Variants in SPAG16 observed in about 807,000 individuals in gnomAD.
SPAG16 encodes the protein sperm-associated antigen 16 protein.
A neutral mutation model predicts 80.4 loss-of-function variants in SPAG16; 86 were observed. The observed-to-expected ratio is 1.07, with a 90% CI of 0.90 to 1.28. SPAG16 has a LOEUF of 1.28. SPAG16 is among the 50% of genes most tolerant of loss of function. The probability of loss-of-function intolerance (pLI) is 0.00; values close to 1 mark genes in which losing one functional copy is unlikely to be tolerated. For synonymous variants in SPAG16, 294 were observed against 265.9 expected (o/e 1.11, Z -1.03); for missense variants, 870 against 765.3 (o/e 1.14, Z -1.61).
intron 12 of SPAG16, among the ~76,000 whole-genome samples, chr2:213,962,360 T>G (rs1183153821): frequency 6.6e-6 from 1 of 152,018 alleles, no homozygotes; most frequent in African/African-American, 2.4e-5. Context: ...GCCCGGCTAA[T>G]TTTTTCGCAT....
At chr2:213,461,752 A>G (rs2072376312) in intron 9 of SPAG16, among the ~76,000 whole-genome samples, 1 of 152,202 alleles carries the variant, frequency 6.6e-6, no homozygotes, top group Non-Finnish European at 1.5e-5. Context: ...TCCAGGTAGA[A>G]TTAGATGAAG....
At chr2:213,392,048 G>A (rs1575464056) in intron 9 of SPAG16, among the ~76,000 whole-genome samples, 2 of 152,290 alleles carry the variant, frequency 1.3e-5, no homozygotes, top group African/African-American at 2.4e-5. Flanking sequence ...AAAATGGAAT[G>A]TTATTTAATA....
chr2:213,573,192 G>C (rs187399787), intron 10 of SPAG16, among the ~76,000 whole-genome samples: 2,691 of 151,632 alleles, frequency 0.018, 71 homozygotes, highest in African/African-American at 0.051. Context: ...AGAAATCACC[G>C]TCTTCTGCGT....
At chr2:214,333,141 C>T (rs189216450) in intron 15 of SPAG16, among the ~76,000 whole-genome samples, 1 of 152,264 alleles carries the variant, frequency 6.6e-6, no homozygotes, top group Admixed American at 6.5e-5. Context: ...ACAAGGGAAT[C>T]ATGCCTTTCC....
intron 7 of SPAG16, among the ~76,000 whole-genome samples, chr2:213,355,179 TG>T (rs2065566720): frequency 6.6e-6 from 1 of 152,192 alleles, no homozygotes; most frequent in African/African-American, 2.4e-5. Flanking sequence ...GTTGTAGATG[TG>T]TGGTGTTATT....
rs34923875 is a variant in SPAG16, at chr2:214,318,373, C to CTTT, written c.1721-91743_1721-91741dup. Reference sequence around the variant, plus strand: ...TTGAATAAAAGAGTGAGAGTGAATTCTTTTTTTTTTTTTTTTTTTTTTTTT... The same window carrying CTTT: ...TTGAATAAAAGAGTGAGAGTGAATTCTTTTTTTTTTTTTTTTTTTTTTTTTTTT... On this transcript the variant is annotated intron_variant, in intron 15 of 15. Coordinates refer to ENST00000331683, the MANE Select transcript of SPAG16 (RefSeq NM_024532.5). Among the ~76,000 whole-genome samples, 117 of 69,836 alleles carry CTTT rather than the reference C, an allele frequency of 1.7e-3. 8 individuals carry two copies. Among genetic ancestry groups the CTTT allele is most frequent in the African/African-American group, 3.9e-3 (67 of 17,248 alleles). The allele number at this position is 69,836 out of a possible 152,430, so 45.8% of individuals were successfully genotyped here. A position where few individuals can be genotyped will look rare whatever the true frequency, so the allele number is the denominator to read the frequency against.
chr2:213,412,728 A>G (rs1372233644), intron 9 of SPAG16, among the ~76,000 whole-genome samples: 1 of 152,128 alleles, frequency 6.6e-6, no homozygotes, highest in Non-Finnish European at 1.5e-5. Flanking sequence ...GACTGATTCT[A>G]TGTCACAGGG....
At chr2:214,382,314 T>C (rs957288371) in intron 15 of SPAG16, among the ~76,000 whole-genome samples, 1 of 152,246 alleles carries the variant, frequency 6.6e-6, no homozygotes, top group South Asian at 2.1e-4. Context: ...TAATGGCTTT[T>C]TGTTAACATA....
At chr2:214,107,489 C>T (rs2053443778) in intron 13 of SPAG16, among the ~76,000 whole-genome samples, 1 of 152,080 alleles carries the variant, frequency 6.6e-6, no homozygotes, top group Non-Finnish European at 1.5e-5. Flanking sequence ...CACTGGTGTT[C>T]AAAATGAAAG....
At chr2:213,761,880 A>G (rs2068681302) in intron 10 of SPAG16, among the ~76,000 whole-genome samples, 1 of 111,176 alleles carries the variant, frequency 9.0e-6, no homozygotes, top group African/African-American at 2.9e-5. Flanking sequence ...AACAAAAATA[A>G]AAACAAAAAA....
At chr2:214,122,973 C>T (rs1457602859) in intron 14 of SPAG16, among the ~76,000 whole-genome samples, 1 of 151,848 alleles carries the variant, frequency 6.6e-6, no homozygotes, top group African/African-American at 2.4e-5. Context: ...CCATCCTATA[C>T]TATGTGATTT....
chr2:213,791,846 A>G (rs747749951), intron 10 of SPAG16, among the ~76,000 whole-genome samples: 18 of 152,174 alleles, frequency 1.2e-4, no homozygotes, highest in Non-Finnish European at 2.4e-4. Flanking sequence ...AGTAAGTCCT[A>G]CAAGGTACTT....
Position 213,344,550 on chromosome 2 carries a change from C to A in SPAG16, c.644+4280C>A. ...TCCACTTCCCACACCCCACAACAGG[C>A]CCCGGTATGTGATGTTCCCCTTCCT... is the stretch of plus-strand genomic sequence containing the variant. On this transcript the variant is annotated intron_variant, in intron 6 of 15. Coordinates refer to ENST00000331683, the MANE Select transcript of SPAG16 (RefSeq NM_024532.5). 1.3e-5 allele frequency among the ~76,000 whole-genome samples: 2 copies of A among 152,218 alleles called. 1 individual carries two copies. The highest frequency in any genetic ancestry group is 4.1e-4 in the South Asian group (2 of 4,826).
At chr2:214,366,032 G>A (rs1160985226) in intron 15 of SPAG16, among the ~76,000 whole-genome samples, 1 of 150,640 alleles carries the variant, frequency 6.6e-6, no homozygotes, top group Non-Finnish European at 1.5e-5. Context: ...AGGCCAGAGT[G>A]CAGTGGTATG....
At chr2:213,675,149 G>C (rs1457613354) in intron 10 of SPAG16, among the ~76,000 whole-genome samples, 2 of 152,198 alleles carry the variant, frequency 1.3e-5, no homozygotes, top group Non-Finnish European at 2.9e-5. Context: ...TGGTGAGCAT[G>C]TTTTCATGCG....
At chr2:214,166,509 G>C (rs1416869807) in intron 15 of SPAG16, among the ~76,000 whole-genome samples, 1 of 152,126 alleles carries the variant, frequency 6.6e-6, no homozygotes, top group East Asian at 1.9e-4. Context: ...TCTCAGCCAG[G>C]CTCCTGTTAG....
Position 213,475,210 on chromosome 2 carries a change from G to A in SPAG16, c.943-14753G>A, listed in dbSNP as rs143357310. On this transcript the variant is annotated intron_variant, in intron 9 of 15. Coordinates refer to ENST00000331683, the MANE Select transcript of SPAG16 (RefSeq NM_024532.5). ...CTGGAAAGCCTCTATATAACTGTCCGGGTCATCTGAAAACCTGCCAAGATC... is the reference window on the plus strand; with the variant it reads ...CTGGAAAGCCTCTATATAACTGTCCAGGTCATCTGAAAACCTGCCAAGATC... Among the ~76,000 whole-genome samples the A allele has an allele frequency of 1.6e-4, 24 of 152,194 alleles. 1 individual carries two copies. Among genetic ancestry groups the A allele is most frequent in the Admixed American group, 3.9e-4 (6 of 15,272 alleles).
chr2:213,845,508 C>T (rs189341482), intron 10 of SPAG16, among the ~76,000 whole-genome samples: 154 of 152,032 alleles, frequency 1.0e-3, no homozygotes, highest in African/African-American at 3.2e-3. Context: ...TGTTCTTAAT[C>T]GTAATGAACA....
At chr2:213,973,345 G>T (rs922009164) in intron 12 of SPAG16, among the ~76,000 whole-genome samples, 3 of 151,842 alleles carry the variant, frequency 2.0e-5, no homozygotes, top group Non-Finnish European at 4.4e-5. Flanking sequence ...TTCTTCATTT[G>T]CCTTCCCTTT....
Sources: allele counts gnomAD v4.1 joint callset (sites outside exome capture counted in the v4.1 genomes callset), GRCh38; gene constraint gnomAD v4.1.1; transcripts MANE v1.5; gene names NCBI Gene and HGNC (gene_info 2026-07-23, HGNC 2026-07-21).